Variants in GSTA1 observed in about 807,000 individuals in gnomAD.
GSTA1 encodes glutathione S-transferase A1.
GSTA1 carries 23 observed loss-of-function variants against 21.5 expected under a neutral mutation model. That is an observed-to-expected ratio of 1.07 (90% CI 0.77 to 1.52). GSTA1 has a LOEUF of 1.52. GSTA1 is among the 40% of genes most tolerant of loss of function. The pLI, the probability that GSTA1 is intolerant of heterozygous loss-of-function variation, is 0.00. For synonymous variants in GSTA1, 125 were observed against 90.0 expected (o/e 1.39, Z -2.20); for missense variants, 301 against 264.2 (o/e 1.14, Z -0.96).
intron 3 of GSTA1, among the ~76,000 whole-genome samples, chr6:52,797,004 A>G (rs1167990287): frequency 6.6e-6 from 1 of 152,128 alleles, no homozygotes; most frequent in African/African-American, 2.4e-5. Flanking sequence ...TTTTAGGAAG[A>G]GGTTGGGACA....
intron 6 of GSTA1, 92 bp downstream of exon 6, chr6:52,792,764 C>A: frequency 6.2e-7 from 1 of 1,611,074 alleles, no homozygotes; most frequent in Non-Finnish European, 8.5e-7. Flanking sequence ...CTGGAGAAGA[C>A]TGGGGCAAAA....
chr6:52,791,990 A>G lies in GSTA1; in HGVS notation c.547-10T>C, dbSNP rs757413773. On this transcript the variant is annotated splice_polypyrimidine_tract_variant and intron_variant, in intron 6 of 6. Coordinates refer to ENST00000334575, the MANE Select transcript of GSTA1 (RefSeq NM_145740.5). Reference sequence around the variant, plus strand: ...TTCTGGTTTTCAGGGCCTGTAATTCATAAAGCACAGCCTCAGAGTGAAGCC... The same window carrying G: ...TTCTGGTTTTCAGGGCCTGTAATTCGTAAAGCACAGCCTCAGAGTGAAGCC... 2.2e-5 allele frequency: 35 copies of G among 1,613,808 alleles called. No homozygotes were observed. The Middle Eastern group carries it at 4.9e-4, about 23-fold the overall frequency.
rs758200325 is a variant in GSTA1 at position 52,794,238 on chromosome 6, C to T, written c.301G>A (p.Asp101Asn). The T allele has an allele frequency of 5.6e-6, 9 of 1,613,670 alleles. No homozygotes were observed. In the South Asian group the frequency reaches 8.8e-5, roughly 16 times the overall value. ...AGAAGGAGGATCATTTCACCCAAAT[C>T]TGCTATACCTTCTATATACATATCA... ...LIDMYIEGIA[D>N]LGEMILLLPV... The change falls in exon 5 of 7, where the codon GAT becomes AAT. Residue 101 changes from aspartate to asparagine, a missense_variant. Asp to Asn is a conservative substitution (Grantham distance 23, BLOSUM62 1). Transcript: ENST00000334575.
chr6:52,803,783 A>C lies in GSTA1; in HGVS notation c.-31+2T>G, dbSNP rs1763771649. The C allele has an allele frequency of 1.1e-5, 2 of 184,254 alleles. No individual in the cohort carries two copies. Among genetic ancestry groups the C allele is most frequent in the South Asian group, 2.0e-4 (1 of 5,104 alleles). 11.4% of individuals were successfully genotyped at this position (184,254 alleles called of 1,614,324 possible). Reference sequence around the variant, plus strand: ...AGAGAAATTTATAAGATCAGTACTTACTTTGTTAAACGCTGTCACCGTCCT... The same window carrying C: ...AGAGAAATTTATAAGATCAGTACTTCCTTTGTTAAACGCTGTCACCGTCCT... On this transcript the variant is annotated splice_donor_variant, in intron 1 of 6. Transcript: ENST00000334575. LOFTEE classifies it low-confidence loss of function (5UTR_SPLICE).
At chr6:52,793,848 C>T (rs1167513164) in intron 5 of GSTA1, among the ~76,000 whole-genome samples, 1 of 152,142 alleles carries the variant, frequency 6.6e-6, no homozygotes, top group Non-Finnish European at 1.5e-5. Context: ...GGTCCAGAGC[C>T]CACATTCTAC....
At chr6:52,793,020 A>G in intron 5 of GSTA1, 33 bp from the exon 6 acceptor site, 1 of 1,613,706 alleles carries the variant, frequency 6.2e-7, no homozygotes, top group South Asian at 1.1e-5. Flanking sequence ...TCAGGAACAC[A>G]TGCACACCCA....
At chr6:52,801,723 A>T (rs2127308701) in intron 1 of GSTA1, among the ~76,000 whole-genome samples, 1 of 152,278 alleles carries the variant, frequency 6.6e-6, no homozygotes, top group South Asian at 2.1e-4. Context: ...GAGCTCAAGG[A>T]TTTGCCATGG....
Position 52,799,307 on chromosome 6 carries a change from T to C in GSTA1, c.-30-10A>G, listed in dbSNP as rs758698803. 4 of 1,457,184 alleles carry C rather than the reference T, an allele frequency of 2.7e-6. No homozygotes were observed. The highest frequency in any genetic ancestry group is 2.0e-5 in the Admixed American group (1 of 50,916). The allele number at this position is 1,457,184 out of a possible 1,614,324, so 90.3% of individuals were successfully genotyped here. On this transcript the variant is annotated splice_polypyrimidine_tract_variant and intron_variant, in intron 1 of 6. Transcript: ENST00000334575. ...GGAGGTTTCTCTAAGCCTGAATGAATGAATGAATGAATGAATAATTGAAAC... is the reference window on the plus strand; with the variant it reads ...GGAGGTTTCTCTAAGCCTGAATGAACGAATGAATGAATGAATAATTGAAAC...
At chr6:52,797,029 T>G (rs1252813812) in intron 3 of GSTA1, among the ~76,000 whole-genome samples, 1 of 152,192 alleles carries the variant, frequency 6.6e-6, no homozygotes, top group Non-Finnish European at 1.5e-5. Flanking sequence ...ACAATAGGAC[T>G]GGCAACAAGA....
rs1200854026 is a variant in GSTA1, at chr6:52,799,279, C to T, written c.-12G>A. The T allele has an allele frequency of 2.5e-6, 4 of 1,607,484 alleles. No individual in the cohort carries two copies. Among genetic ancestry groups the T allele is most frequent in the Non-Finnish European group, 3.4e-6 (4 of 1,176,222 alleles). ...GGCTTCTCTGCCATGATAGCAGTCT[C>T]CTGGAGGTTTCTCTAAGCCTGAATG... On this transcript the variant is annotated 5_prime_UTR_variant, in exon 2 of 7. Coordinates refer to ENST00000334575, the MANE Select transcript of GSTA1 (RefSeq NM_145740.5).
intron 6 of GSTA1, 170 bp downstream of exon 6, chr6:52,792,686 A>C: frequency 1.9e-6 from 3 of 1,540,268 alleles, no homozygotes; most frequent in Non-Finnish European, 2.6e-6. Flanking sequence ...TTTCCATAAC[A>C]AAAGTGTTTT....
chr6:52,794,251 T>C lies in GSTA1; in HGVS notation c.288A>G (p.Ile96Met). The C allele has an allele frequency of 6.2e-7, 1 of 1,613,260 alleles. No homozygotes were observed. Residue 96 changes from isoleucine (I) to methionine (M), a missense_variant, in exon 5 of 7, where the codon ATA (isoleucine) becomes ATG (methionine). By Grantham distance (10) the Ile-to-Met change is conservative (BLOSUM62 1). Coordinates refer to ENST00000334575, the MANE Select transcript of GSTA1 (RefSeq NM_145740.5). The part of the protein sequence containing the change: ...IKERALIDMY[I>M]EGIADLGEMI... ...TTTCACCCAAATCTGCTATACCTTC[T>C]ATATACATATCAATCCTGAAAGACA...
Position 52,791,750 on chromosome 6 carries a change from G to C in GSTA1, c.*108C>G, listed in dbSNP as rs1763461661. 4 of 1,298,662 alleles carry C rather than the reference G, an allele frequency of 3.1e-6. No homozygotes were observed. Among genetic ancestry groups the C allele is most frequent in the South Asian group, 2.6e-5 (2 of 75,624 alleles). The allele number at this position is 1,298,662 out of a possible 1,614,324, so 80.4% of individuals were successfully genotyped here. A position where few individuals can be genotyped will look rare whatever the true frequency, so the allele number is the denominator to read the frequency against. On this transcript the variant is annotated 3_prime_UTR_variant, in exon 7 of 7. Transcript: ENST00000334575. ...TTTAATTAGCATATAATTTGAAAGA[G>C]TTCATTAGCTTCACAACAGGCACAA... is the stretch of plus-strand genomic sequence containing the variant.
At chr6:52,800,406 A>T (rs79706334) in intron 1 of GSTA1, among the ~76,000 whole-genome samples, 1 of 152,228 alleles carries the variant, frequency 6.6e-6, no homozygotes, top group Non-Finnish European at 1.5e-5. Context: ...CATTACTTTT[A>T]AAAATAAAAT....
At chr6:52,796,861 T>G (rs1763603345) in intron 3 of GSTA1, among the ~76,000 whole-genome samples, 1 of 152,022 alleles carries the variant, frequency 6.6e-6, no homozygotes, top group Admixed American at 6.6e-5. Flanking sequence ...TTTAAAAAGC[T>G]TCCTGTAGTT....
At chr6:52,796,959 C>T (rs1320063086) in intron 3 of GSTA1, among the ~76,000 whole-genome samples, 1 of 151,906 alleles carries the variant, frequency 6.6e-6, no homozygotes, top group Admixed American at 6.6e-5. Context: ...TAGTGGGACT[C>T]TTGTATTTTT....
At chr6:52,792,448 A>G (rs1392755357) in intron 6 of GSTA1, among the ~76,000 whole-genome samples, 1 of 152,144 alleles carries the variant, frequency 6.6e-6, no homozygotes, top group Non-Finnish European at 1.5e-5. Flanking sequence ...TGCAGAGAGG[A>G]ACACAATGTC....
At chr6:52,802,297 A>G (rs1398505663) in intron 1 of GSTA1, among the ~76,000 whole-genome samples, 2 of 152,226 alleles carry the variant, frequency 1.3e-5, no homozygotes, top group Admixed American at 6.5e-5. Flanking sequence ...GGTGGTCCCA[A>G]TGACACTGTT....
chr6:52,794,048 A>T (rs546768730), intron 5 of GSTA1, 77 bp downstream of exon 5: 2 of 1,567,984 alleles, frequency 1.3e-6, no homozygotes, highest in East Asian at 4.5e-5. Flanking sequence ...AAGATCAGTG[A>T]CCCAGGAATG....
Sources: gnomAD v4.1 joint callset for allele counts (sites outside exome capture counted in the v4.1 genomes callset) on GRCh38, gnomAD v4.1.1 for gene constraint, MANE v1.5 for transcripts, NCBI Gene and HGNC (gene_info 2026-07-23, HGNC 2026-07-21) for gene names.